Variants in ENAH observed in about 807,000 individuals in gnomAD.
ENAH encodes the protein protein enabled homolog.
Under a neutral mutation model 78.7 loss-of-function variants are expected in ENAH, and 23 were observed. That is an observed-to-expected ratio of 0.29 (90% CI 0.21 to 0.41). The LOEUF is 0.41. ENAH is among the 10% of genes least tolerant of loss of function. ENAH has a pLI of 1.00. For synonymous variants in ENAH, 226 were observed against 241.0 expected (o/e 0.94, Z 0.58); for missense variants, 544 against 691.0 (o/e 0.79, Z 2.39).
chr1:225,558,272 A>G lies in ENAH; in HGVS notation c.172-3189T>C, dbSNP rs75069627. 1.7e-3 allele frequency among the ~76,000 whole-genome samples: 255 copies of G among 152,272 alleles called. 6 individuals are homozygous for G. In the East Asian group the frequency reaches 0.019, roughly 12 times the overall value. ...AAAAAGATAGGCATCCTCTTTTTGT[A>G]TTCTCTGGAAAAAAGTACGTAATAC... On this transcript the variant is annotated intron_variant, in intron 2 of 13. Coordinates refer to ENST00000366843, the MANE Select transcript of ENAH (RefSeq NM_018212.6).
At chr1:225,628,660 C>G (rs984058019) in intron 1 of ENAH, among the ~76,000 whole-genome samples, 1 of 152,076 alleles carries the variant, frequency 6.6e-6, no homozygotes, top group Admixed American at 6.5e-5. Flanking sequence ...CCTGGAATCC[C>G]AGCACTTTGG....
chr1:225,517,303 G>A lies in ENAH; in HGVS notation c.806C>T (p.Ala269Val). ...TAGAGGAGTCTCAACAGAGGCAGGG[G>A]CAGCTGCAGAGGGAGAAGGGAGAAC... is the stretch of plus-strand genomic sequence containing the variant. ...ERERRISSAA[A>V]PASVETPLNS... The change falls in exon 6 of 14, where the codon GCC becomes GTC. Residue 269 changes from alanine to valine, a missense_variant. By Grantham distance (64) the Ala-to-Val change is moderately conservative. Around this residue, in one of 4 missense-constraint regions of ENAH, gnomAD observed 366 missense variants for 396.1 expected, o/e 0.92. Coordinates refer to ENST00000366843, the MANE Select transcript of ENAH (RefSeq NM_018212.6). 6.4e-7 allele frequency: 1 copy of A among 1,551,784 alleles called. No individual in the cohort carries two copies. The highest frequency in any genetic ancestry group is 2.4e-5 in the East Asian group (1 of 40,930).
intron 1 of ENAH, among the ~76,000 whole-genome samples, chr1:225,651,068 T>TAA (rs1036277996): frequency 5.7e-4 from 86 of 150,710 alleles, no homozygotes; most frequent in African/African-American, 1.9e-3. Context: ...TAACTTGATT[T>TAA]AAAAAAAAAG....
At chr1:225,560,961 C>A (rs759982108) in intron 2 of ENAH, among the ~76,000 whole-genome samples, 2 of 152,184 alleles carry the variant, frequency 1.3e-5, no homozygotes, top group Non-Finnish European at 2.9e-5. Flanking sequence ...TGGGGTTGGG[C>A]ACAGTGGCTC....
intron 3 of ENAH, among the ~76,000 whole-genome samples, chr1:225,542,048 C>T (rs1355197170): frequency 1.3e-5 from 2 of 152,126 alleles, no homozygotes; most frequent in Non-Finnish European, 2.9e-5. Context: ...AACCAGCTAA[C>T]TTTTTAATTT....
intron 1 of ENAH, among the ~76,000 whole-genome samples, chr1:225,607,630 A>C (rs1575699330): frequency 6.6e-6 from 1 of 152,260 alleles, no homozygotes; most frequent in Non-Finnish European, 1.5e-5. Flanking sequence ...TACTCTGGGA[A>C]GTTTACACAG....
intron 5 of ENAH, chr1:225,517,978 T>A: frequency 6.5e-7 from 1 of 1,541,838 alleles, no homozygotes; most frequent in Non-Finnish European, 8.7e-7. Flanking sequence ...CAGGGAGCTG[T>A]CTGAAGATGG....
intron 1 of ENAH, among the ~76,000 whole-genome samples, chr1:225,569,996 A>G (rs2096752863): frequency 6.6e-6 from 1 of 152,042 alleles, no homozygotes; most frequent in African/African-American, 2.4e-5. Flanking sequence ...ACCTGAGTTT[A>G]GGAATTCGAG....
At chr1:225,521,149 A>G (rs1309384195) in intron 4 of ENAH, among the ~76,000 whole-genome samples, 1 of 152,152 alleles carries the variant, frequency 6.6e-6, no homozygotes. Flanking sequence ...TGCTGTCCAC[A>G]GTCTAAGCAG....
At chr1:225,637,365 G>A (rs533045309) in intron 1 of ENAH, among the ~76,000 whole-genome samples, 4 of 152,160 alleles carry the variant, frequency 2.6e-5, no homozygotes, top group African/African-American at 7.2e-5. Context: ...GCGCCATCAC[G>A]CCCAGCTAAT....
intron 1 of ENAH, among the ~76,000 whole-genome samples, chr1:225,603,233 AAAAT>A: frequency 6.6e-6 from 1 of 152,238 alleles, no homozygotes; most frequent in South Asian, 2.1e-4. Flanking sequence ...TCCCTAAGTA[AAAAT>A]AAATAATTAA....
At position 225,514,694 on chromosome 1, in the gene ENAH, C is replaced by T; in HGVS notation, c.1120G>A (p.Ala374Thr). 6.3e-7 allele frequency: 1 copy of T among 1,580,998 alleles called. No homozygotes were observed. The highest frequency in any genetic ancestry group is 8.6e-7 in the Non-Finnish European group (1 of 1,161,414). ...PPPPPAPPLP[A>T]SGFFLASMSE... ...ATGGATGCCAAAAAGAATCCAGATG[C>T]AGGGAGGGGTGGGGCAGGAGGTGGT... Residue 374 changes from alanine (A) to threonine (T), a missense_variant, in exon 7 of 14, where the codon GCA becomes ACA. By Grantham distance (58) the Ala-to-Thr change is moderately conservative (BLOSUM62 0). Coordinates refer to ENST00000366843, the MANE Select transcript of ENAH (RefSeq NM_018212.6).
intron 1 of ENAH, among the ~76,000 whole-genome samples, chr1:225,609,656 A>ATTTTTTTTT (rs59508510): frequency 3.9e-5 from 3 of 76,484 alleles, no homozygotes; most frequent in Non-Finnish European, 7.2e-5. Context: ...GGAAAAATGG[A>ATTTTTTTTT]TTTTTTTTTT....
At chr1:225,642,051 A>G (rs1053812208) in intron 1 of ENAH, among the ~76,000 whole-genome samples, 3 of 151,776 alleles carry the variant, frequency 2.0e-5, no homozygotes, top group Non-Finnish European at 4.4e-5. Flanking sequence ...ATACAAAAAA[A>G]TTAGCCAGGC....
chr1:225,605,172 T>C (rs2096950605), intron 1 of ENAH, among the ~76,000 whole-genome samples: 1 of 152,204 alleles, frequency 6.6e-6, no homozygotes, highest in Non-Finnish European at 1.5e-5. Flanking sequence ...AAGAAACTGC[T>C]GATATTCAAC....
At chr1:225,622,940 G>A (rs538261478) in intron 1 of ENAH, among the ~76,000 whole-genome samples, 1 of 152,230 alleles carries the variant, frequency 6.6e-6, no homozygotes, top group East Asian at 1.9e-4. Context: ...GGGGCACAGG[G>A]ATAAGACATA....
intron 1 of ENAH, among the ~76,000 whole-genome samples, chr1:225,625,977 G>C (rs865794063): frequency 1.3e-5 from 2 of 152,122 alleles, no homozygotes; most frequent in African/African-American, 4.8e-5. Flanking sequence ...AAGAAGAAGG[G>C]ACAAAGATGC....
chr1:225,606,585 C>T (rs183683693), intron 1 of ENAH, among the ~76,000 whole-genome samples: 3 of 152,050 alleles, frequency 2.0e-5, no homozygotes, highest in East Asian at 1.9e-4. Context: ...CAGCGGTTCA[C>T]GCCTATAATT....
intron 11 of ENAH, among the ~76,000 whole-genome samples, chr1:225,507,369 T>C (rs1009457028): frequency 6.6e-6 from 1 of 152,036 alleles, no homozygotes; most frequent in African/African-American, 2.4e-5. Context: ...AAAATCTATG[T>C]CATTGGAACT....
Sources: gnomAD v4.1 joint callset for allele counts (sites outside exome capture counted in the v4.1 genomes callset) on GRCh38, gnomAD v4.1.1 for gene constraint, gnomAD v4.1.1 regional missense constraint, MANE v1.5 for transcripts, NCBI Gene and HGNC (gene_info 2026-07-23, HGNC 2026-07-21) for gene names.